Variants in RGL1 observed in about 807,000 individuals in gnomAD.
RGL1 encodes ral guanine nucleotide dissociation stimulator like 1, also known as ral guanine nucleotide dissociation stimulator-like 1.
In RGL1, 24 loss-of-function variants were observed where a neutral mutation model predicts 95.2. The observed-to-expected ratio is 0.25, with a 90% CI of 0.18 to 0.35. The LOEUF is 0.35. RGL1 is among the 10% of genes least tolerant of loss of function. The pLI is 1.00. For synonymous variants in RGL1, 329 were observed against 344.9 expected (o/e 0.95, Z 0.51); for missense variants, 715 against 936.3 (o/e 0.76, Z 3.08).
chr1:183,883,802 G>A lies in RGL1; in HGVS notation c.627G>A (p.Thr209=), dbSNP rs771555308. 2 of 1,614,058 alleles carry A rather than the reference G, an allele frequency of 1.2e-6. No individual in the cohort carries two copies. The highest frequency in any genetic ancestry group is 1.3e-5 in the African/African-American group (1 of 75,044). ...EVETDNGLPN[T]ISFSLEEEEE... Reference sequence around the variant, plus strand: ...TGTGAACAGATGGGCTTCCCAACACGATCTCCTTCAGCCTGGAAGAGGAAG... The same window carrying A: ...TGTGAACAGATGGGCTTCCCAACACAATCTCCTTCAGCCTGGAAGAGGAAG... The change falls in exon 6 of 18, where the codon ACG becomes ACA. Residue 209 remains threonine (T), a synonymous_variant. Transcript: ENST00000360851.
intron 1 of RGL1, among the ~76,000 whole-genome samples, chr1:183,731,278 A>G (rs950700892): frequency 3.9e-5 from 6 of 152,190 alleles, no homozygotes; most frequent in African/African-American, 1.4e-4. Flanking sequence ...AAAAATTTAC[A>G]TATGTGAATA....
At chr1:183,636,604 A>G (rs191735162) in intron 1 of RGL1, 81 of 157,820 alleles carry the variant, frequency 5.1e-4, no homozygotes, top group African/African-American at 1.8e-3. Flanking sequence ...GGTCATTGAC[A>G]TCTTAAAATA....
chr1:183,928,411 G>A lies in RGL1; in HGVS notation c.*2119G>A, dbSNP rs1217629174. The A allele has an allele frequency of 1.3e-5, 2 of 152,494 alleles. No homozygotes were observed. Among genetic ancestry groups the A allele is most frequent in the Non-Finnish European group, 2.9e-5 (2 of 68,028 alleles). The allele number at this position is 152,494 out of a possible 1,614,324, so 9.4% of individuals were successfully genotyped here. ...TAAATTTGTTTCCTGGTGGACAGCC[G>A]GGTAATGCTTTTAGCTGCTCGCATG... On this transcript the variant is annotated 3_prime_UTR_variant, in exon 18 of 18. Coordinates refer to ENST00000360851, the MANE Select transcript of RGL1 (RefSeq NM_001297671.3).
chr1:183,679,126 G>A (rs1265873601), intron 1 of RGL1, among the ~76,000 whole-genome samples: 1 of 152,204 alleles, frequency 6.6e-6, no homozygotes, highest in Non-Finnish European at 1.5e-5. Flanking sequence ...TGCTTCAGCA[G>A]AGCCTAAAAC....
At chr1:183,690,900 C>G (rs1051541571) in intron 1 of RGL1, among the ~76,000 whole-genome samples, 1 of 152,114 alleles carries the variant, frequency 6.6e-6, no homozygotes, top group Non-Finnish European at 1.5e-5. Flanking sequence ...GAAAGCAAGT[C>G]ATGTTAAGAT....
intron 9 of RGL1, 30 bp from the exon 10 acceptor site, chr1:183,897,778 A>G (rs374428850): frequency 1.0e-4 from 158 of 1,541,252 alleles, no homozygotes; most frequent in Non-Finnish European, 1.3e-4. Context: ...TCCTGTATCA[A>G]TTCCCTCTGT....
chr1:183,668,938 TTC>T lies in RGL1; in HGVS notation c.-33+32439_-33+32440del, dbSNP rs756849662. Among the ~76,000 whole-genome samples the T allele has an allele frequency of 2.1e-5, 3 of 143,574 alleles. 1 individual carries two copies. The highest frequency in any genetic ancestry group is 4.6e-5 in the Non-Finnish European group (3 of 65,106). 94.2% of individuals were successfully genotyped at this position (143,574 alleles called of 152,430 possible). ...TTTGCTTTTGGTATTGGACTTTCTT[TTC>T]TTTTTTTTTTTTTTTGAGATGGAGT... On this transcript the variant is annotated intron_variant, in intron 1 of 18. Coordinates refer to the RGL1 transcript ENST00000304685.
intron 2 of RGL1, among the ~76,000 whole-genome samples, chr1:183,833,941 T>A (rs1177861906): frequency 6.8e-6 from 1 of 147,962 alleles, no homozygotes; most frequent in Non-Finnish European, 1.5e-5. Flanking sequence ...CATATGATGA[T>A]GAAATGAGCC....
intron 2 of RGL1, among the ~76,000 whole-genome samples, chr1:183,771,683 G>A (rs573091059): frequency 4.6e-5 from 7 of 152,114 alleles, no homozygotes; most frequent in African/African-American, 7.2e-5. Flanking sequence ...GAAGCGGGAA[G>A]GGAAGTGTTG....
At chr1:183,885,595 A>G (rs1312319178) in intron 7 of RGL1, among the ~76,000 whole-genome samples, 2 of 152,196 alleles carry the variant, frequency 1.3e-5, no homozygotes, top group East Asian at 1.9e-4. Flanking sequence ...CCTTCTCAGC[A>G]TCTTATCTCA....
chr1:183,798,878 CTTTTTTTT>C (rs35765152), intron 2 of RGL1, among the ~76,000 whole-genome samples: 5 of 88,180 alleles, frequency 5.7e-5, no homozygotes, highest in Non-Finnish European at 8.8e-5. Flanking sequence ...GCAGGATTTC[CTTTTTTTT>C]TTTTTTTTTT....
At chr1:183,636,926 C>T (rs1264055167) in intron 1 of RGL1, among the ~76,000 whole-genome samples, 3 of 152,124 alleles carry the variant, frequency 2.0e-5, no homozygotes, top group African/African-American at 7.2e-5. Context: ...CGGTATGGGT[C>T]CAGTTTAGTT....
chr1:183,828,849 G>GT (rs11375217), intron 2 of RGL1, among the ~76,000 whole-genome samples: 17,908 of 152,184 alleles, frequency 0.12, 1,093 homozygotes, highest in Admixed American at 0.13. Flanking sequence ...AATAAAACTG[G>GT]TATCAGTCAA....
At chr1:183,770,417 C>A (rs1201306763) in intron 2 of RGL1, among the ~76,000 whole-genome samples, 1 of 152,184 alleles carries the variant, frequency 6.6e-6, no homozygotes, top group Non-Finnish European at 1.5e-5. Context: ...CTGGCCCATG[C>A]ATTCCCAATA....
At chr1:183,793,895 T>C (rs915371157) in intron 2 of RGL1, among the ~76,000 whole-genome samples, 1 of 152,060 alleles carries the variant, frequency 6.6e-6, no homozygotes, top group Non-Finnish European at 1.5e-5. Context: ...ATGTCACTAC[T>C]GGGTATTTAT....
intron 1 of RGL1, among the ~76,000 whole-genome samples, chr1:183,711,522 C>T (rs1572314995): frequency 6.6e-6 from 1 of 152,154 alleles, no homozygotes; most frequent in Non-Finnish European, 1.5e-5. Flanking sequence ...CTATAGCCCA[C>T]TCTTACTGGG....
intron 2 of RGL1, among the ~76,000 whole-genome samples, chr1:183,756,641 A>T (rs1245803781): frequency 6.6e-6 from 1 of 152,094 alleles, no homozygotes; most frequent in Non-Finnish European, 1.5e-5. Context: ...CTCTGTCCAC[A>T]CTATGCTAGC....
At position 183,764,038 on chromosome 1, in the gene RGL1, A is replaced by G. The variant is rs547693168; in HGVS notation, c.132+21749A>G. ...TAATATTTGTAAAGGGTGACCTTTC[A>G]CAAAGGAAGACAATTGGCCTGAACT... On this transcript the variant is annotated intron_variant, in intron 2 of 18. Coordinates refer to the RGL1 transcript ENST00000304685. 8.5e-5 allele frequency among the ~76,000 whole-genome samples: 13 copies of G among 152,352 alleles called. No homozygotes were observed. In the South Asian group the frequency reaches 2.7e-3, roughly 32 times the overall value.
At chr1:183,720,534 G>A (rs1170147575) in intron 1 of RGL1, among the ~76,000 whole-genome samples, 1 of 152,208 alleles carries the variant, frequency 6.6e-6, no homozygotes, top group East Asian at 1.9e-4. Context: ...CCTACTTCTG[G>A]CAAAGGATCA....
Sources: gnomAD v4.1 joint callset for allele counts (sites outside exome capture counted in the v4.1 genomes callset) on GRCh38, gnomAD v4.1.1 for gene constraint, MANE v1.5 for transcripts, NCBI Gene and HGNC (gene_info 2026-07-23, HGNC 2026-07-21) for gene names.